The following CXADR variants were observed in gnomAD, a reference collection of about 807,000 sequenced individuals.
CXADR encodes the protein CXADR cell adhesion molecule.
In CXADR, 20 loss-of-function variants were observed where a neutral mutation model predicts 40.3. That is an observed-to-expected ratio of 0.50 (90% CI 0.35 to 0.72). The LOEUF is 0.72. CXADR is among the 30% of genes least tolerant of loss of function. The probability of loss-of-function intolerance (pLI) is 0.01; values close to 1 mark genes in which losing one functional copy is unlikely to be tolerated. For missense variants in CXADR, 332 were observed against 449.1 expected (o/e 0.74, Z 2.36); for synonymous variants, 150 against 161.3 (o/e 0.93, Z 0.53).
At chr21:17,521,446 C>T (rs1795142211) in intron 1 of CXADR, among the ~76,000 whole-genome samples, 1 of 152,108 alleles carries the variant, frequency 6.6e-6, no homozygotes, top group Non-Finnish European at 1.5e-5. Context: ...CCTCAGCGTC[C>T]CGAGTAGCTG....
chr21:17,603,210 A>AG, the CXADR span, among the ~76,000 whole-genome samples: 38 of 152,320 alleles, frequency 2.5e-4, no homozygotes, highest in Admixed American at 4.6e-4. Context: ...TTATAAATGG[A>AG]GGTCTTCTGC....
the CXADR span, among the ~76,000 whole-genome samples, chr21:17,607,408 A>T: frequency 6.6e-6 from 1 of 152,204 alleles, no homozygotes; most frequent in Non-Finnish European, 1.5e-5. Context: ...AATTAAGATA[A>T]TCAAGAGATA....
chr21:17,542,291 G>GA (rs1254641802), intron 1 of CXADR, among the ~76,000 whole-genome samples: 1 of 152,090 alleles, frequency 6.6e-6, no homozygotes, highest in Non-Finnish European at 1.5e-5. Flanking sequence ...GCTTAAATTT[G>GA]AAAAAACAAG....
At chr21:17,514,216 G>T (rs2060429470) in intron 1 of CXADR, among the ~76,000 whole-genome samples, 1 of 152,024 alleles carries the variant, frequency 6.6e-6, no homozygotes, top group South Asian at 2.1e-4. Flanking sequence ...ATTTTTTGTT[G>T]TTAGGTGCTC....
chr21:17,513,270 G>A, intron 1 of CXADR, 98 bp downstream of exon 1: 1 of 1,194,564 alleles, frequency 8.4e-7, no homozygotes, highest in Non-Finnish European at 1.1e-6. Flanking sequence ...GAGGGGGCGG[G>A]CGCGATTTGG....
intron 7 of CXADR, among the ~76,000 whole-genome samples, chr21:17,580,573 G>A (rs2061353260): frequency 6.6e-6 from 1 of 152,072 alleles, no homozygotes; most frequent in Admixed American, 6.5e-5. Context: ...TCGCACTACT[G>A]AACTCCGGCC....
At chr21:17,522,150 C>G (rs1414315187) in intron 1 of CXADR, among the ~76,000 whole-genome samples, 1 of 151,408 alleles carries the variant, frequency 6.6e-6, no homozygotes, top group African/African-American at 2.4e-5. Flanking sequence ...TTTCTTCTTT[C>G]TTCCTTTTTT....
downstream of CXADR, among the ~76,000 whole-genome samples, chr21:17,595,688 T>TA (rs775948576): frequency 1.3e-5 from 2 of 151,730 alleles, no homozygotes; most frequent in African/African-American, 2.4e-5. Flanking sequence ...CTCTTACTAT[T>TA]AAAAAAACAA....
At chr21:17,551,094 AAATAG>A (rs2060961296) in intron 2 of CXADR, among the ~76,000 whole-genome samples, 1 of 151,382 alleles carries the variant, frequency 6.6e-6, no homozygotes, top group African/African-American at 2.5e-5. Flanking sequence ...GGCAGTTGAA[AAATAG>A]AGTATATAAG....
chr21:17,633,108 A>C, the CXADR span: 1 of 152,184 alleles, frequency 6.6e-6, no homozygotes, highest in Non-Finnish European at 1.5e-5. Context: ...GCTGCCTCAG[A>C]ATCAAGGTCT....
the CXADR span, among the ~76,000 whole-genome samples, chr21:17,603,264 A>AAGC: frequency 2.0e-5 from 3 of 152,196 alleles, no homozygotes; most frequent in Admixed American, 6.5e-5. Flanking sequence ...AACTAGCCTA[A>AAGC]AGCAGGTCCT....
chr21:17,627,405 G>T, the CXADR span, among the ~76,000 whole-genome samples: 1 of 152,126 alleles, frequency 6.6e-6, no homozygotes, highest in Non-Finnish European at 1.5e-5. Context: ...TAATAAATGG[G>T]TTGTCATTAA....
At position 17,568,784 on chromosome 21, in the gene CXADR, A is replaced by G. The variant is rs553431586; in HGVS notation, c.*3092A>G. 1.8e-5 allele frequency: 18 copies of G among 984,502 alleles called. No individual in the cohort carries two copies. In the South Asian group the frequency reaches 7.5e-4, roughly 41 times the overall value. The allele number at this position is 984,502 out of a possible 1,614,324, so 61.0% of individuals were successfully genotyped here. A position where few individuals can be genotyped will look rare whatever the true frequency, so the allele number is the denominator to read the frequency against. ...TGATTCCCTTGTTAGAGAGCCTCTCACTCCCCCACCCCCAAAAATGTCTAC... is the reference window on the plus strand; with the variant it reads ...TGATTCCCTTGTTAGAGAGCCTCTCGCTCCCCCACCCCCAAAAATGTCTAC... On this transcript the variant is annotated 3_prime_UTR_variant, in exon 7 of 7. Transcript: ENST00000284878.
At chr21:17,627,551 G>A in the CXADR span, among the ~76,000 whole-genome samples, 14 of 152,176 alleles carry the variant, frequency 9.2e-5, no homozygotes, top group African/African-American at 3.1e-4. Flanking sequence ...CACTTTGGGA[G>A]GCCAAGGCAG....
chr21:17,558,945 A>G, intron 3 of CXADR, 31 bp from the exon 4 acceptor site: 1 of 1,586,152 alleles, frequency 6.3e-7, no homozygotes, highest in Non-Finnish European at 8.6e-7. Context: ...CCATTCTCTT[A>G]TGTAAATTTA....
downstream of CXADR, among the ~76,000 whole-genome samples, chr21:17,595,210 T>C (rs2061489409): frequency 6.6e-6 from 1 of 152,058 alleles, no homozygotes; most frequent in Non-Finnish European, 1.5e-5. Context: ...AAAGTGTTCT[T>C]ATCAGCAGTT....
chr21:17,526,789 G>C (rs1229590206), intron 1 of CXADR, among the ~76,000 whole-genome samples: 2 of 152,068 alleles, frequency 1.3e-5, no homozygotes, highest in East Asian at 3.9e-4. Context: ...TATTTTCTGT[G>C]ATCACATCTT....
the CXADR span, chr21:17,604,920 C>T: frequency 6.2e-7 from 1 of 1,614,168 alleles, no homozygotes; most frequent in Non-Finnish European, 8.5e-7. Flanking sequence ...GCCCAGGTCA[C>T]TATACAAGAT....
intron 1 of CXADR, among the ~76,000 whole-genome samples, chr21:17,514,760 A>T (rs1163071746): frequency 6.6e-6 from 1 of 151,402 alleles, no homozygotes; most frequent in Non-Finnish European, 1.5e-5. Flanking sequence ...CAGCCTCCTG[A>T]GTAGCTGGGA....
Sources: allele counts gnomAD v4.1 joint callset (sites outside exome capture counted in the v4.1 genomes callset), GRCh38; gene constraint gnomAD v4.1.1; transcripts MANE v1.5; gene names NCBI Gene and HGNC (gene_info 2026-07-23, HGNC 2026-07-21).